Variants in GOLGB1 observed in about 807,000 individuals in gnomAD.
The protein encoded by GOLGB1 is golgin B1, also known as golgin subfamily B member 1.
In GOLGB1, 174 loss-of-function variants were observed where a neutral mutation model predicts 336.9. That is an observed-to-expected ratio of 0.52 (90% confidence interval 0.46 to 0.59). GOLGB1 has a LOEUF of 0.59. GOLGB1 is among the 20% of genes least tolerant of loss of function. GOLGB1 has a pLI of 0.00. For missense variants in GOLGB1, 3,331 were observed against 3,645.3 expected (o/e 0.91, Z 2.22); for synonymous variants, 1,208 against 1,289.2 (o/e 0.94, Z 1.35).
In GOLGB1 at chr3:121,697,501, T is replaced by C; in HGVS notation, c.3022A>G (p.Lys1008Glu). The change falls in exon 13 of 22, where the codon AAG (lysine) becomes GAG (glutamate). Residue 1008 changes from lysine (K) to glutamate (E), a missense_variant. Physicochemically the swap from Lys to Glu is moderately conservative, Grantham distance 56. Transcript: ENST00000614479. ...CTACTGACTCTTTGCAGAAGCTCCT[T>C]TCTGTTAATAAGAGCTGCCTGGAGC... ...RKLQAALINR[K>E]ELLQRVSRLE... 1 of 1,611,876 alleles carries C rather than the reference T, an allele frequency of 6.2e-7. No individual in the cohort carries two copies. Among genetic ancestry groups the C allele is most frequent in the South Asian group, 1.1e-5 (1 of 90,526 alleles).
chr3:121,681,532 T>TGTGCTACTG (rs1287385765), intron 15 of GOLGB1, among the ~76,000 whole-genome samples, 155 bp downstream of exon 15: 1 of 152,238 alleles, frequency 6.6e-6, no homozygotes, highest in Non-Finnish European at 1.5e-5. Flanking sequence ...TTCCTGGTTT[T>TGTGCTACTG]GATACTGTGC....
In GOLGB1 at chr3:121,722,550, A is replaced by G. The variant is rs114450054; in HGVS notation, c.532-172T>C. Among the ~76,000 whole-genome samples the G allele has an allele frequency of 2.3e-3, 343 of 152,308 alleles. 3 individuals carry two copies. The highest frequency in any genetic ancestry group is 8.0e-3 in the African/African-American group (332 of 41,568). ...GCATTATCAAAATTTTATTTGTCAG[A>G]AGAAGACAGAAGCAGTAGTGGCAAT... On this transcript the variant is annotated intron_variant, in intron 5 of 21. Coordinates refer to ENST00000614479, the MANE Select transcript of GOLGB1 (RefSeq NM_001366282.2).
In GOLGB1 at chr3:121,698,025, T is replaced by C. The variant is rs1471434615; in HGVS notation, c.2498A>G (p.Glu833Gly). ...ELDDVQLQFS[E>G]QSTLIRSLQS... is the part of the protein sequence containing the mutation. ...CAGGCTTCTTATCAGGGTACTCTGC[T>C]CAGAAAACTGAAGCTGCACATCATC... The change falls in exon 13 of 22, where the codon GAG (glutamate) becomes GGG (glycine). Residue 833 changes from glutamate (E) to glycine (G), a missense_variant. Transcript: ENST00000614479. 1 of 1,613,992 alleles carries C rather than the reference T, an allele frequency of 6.2e-7. No individual in the cohort carries two copies. The highest frequency in any genetic ancestry group is 8.5e-7 in the Non-Finnish European group (1 of 1,179,978).
chr3:121,697,647 T>G lies in GOLGB1; in HGVS notation c.2876A>C (p.Glu959Ala), dbSNP rs369495304. The stretch of plus-strand genomic sequence containing the variant: ...ATTTTGTTTAAGGCCAGAAGAAACT[T>G]CATTATCTTCTTCCACCTGCTCTTT... ...AKKEQVEEDN[E>A]VSSGLKQNYD... Residue 959 changes from glutamate to alanine, a missense_variant, in exon 13 of 22, where the codon GAA becomes GCA. Physicochemically the swap from Glu to Ala is moderately radical, Grantham distance 107. Transcript: ENST00000614479. 3 of 1,612,056 alleles carry G rather than the reference T, an allele frequency of 1.9e-6. No homozygotes were observed. The African/African-American group carries it at 4.0e-5, about 22-fold the overall frequency.
In GOLGB1 at chr3:121,693,968, C is replaced by T; in HGVS notation, c.6555G>A (p.Leu2185=). 1 of 1,614,094 alleles carries T rather than the reference C, an allele frequency of 6.2e-7. No homozygotes were observed. Among genetic ancestry groups the T allele is most frequent in the Non-Finnish European group, 8.5e-7 (1 of 1,179,990 alleles). The stretch of plus-strand genomic sequence containing the variant: ...CTGCAAGCTGGGTCACAGTACTGTC[C>T]AAGTTTTCCTGAAGTTGCTGAACTT... The part of the protein sequence containing the change: ...DKEVQQLQEN[L]DSTVTQLAAF... Residue 2185 remains leucine, a synonymous_variant, in exon 13 of 22, where the codon TTG becomes TTA. Coordinates refer to ENST00000614479, the MANE Select transcript of GOLGB1 (RefSeq NM_001366282.2).
At chr3:121,675,539 C>G (rs1368764357) in intron 17 of GOLGB1, among the ~76,000 whole-genome samples, 1 of 152,026 alleles carries the variant, frequency 6.6e-6, no homozygotes, top group African/African-American at 2.4e-5. Flanking sequence ...ATGAATCTCA[C>G]AAAATAAATG....
At chr3:121,721,439 C>T (rs1945189949) in intron 6 of GOLGB1, among the ~76,000 whole-genome samples, 1 of 152,090 alleles carries the variant, frequency 6.6e-6, no homozygotes. Flanking sequence ...CCTGCCTGGG[C>T]AACATATTGA....
rs747691610 is a variant in GOLGB1, at chr3:121,694,582, C to T, written c.5941G>A (p.Val1981Ile). 12 of 1,612,258 alleles carry T rather than the reference C, an allele frequency of 7.4e-6. No homozygotes were observed. Among genetic ancestry groups the T allele is most frequent in the Non-Finnish European group, 1.0e-5 (12 of 1,179,996 alleles). ...SELEEEKQQL[V>I]KEKTKVESEI... Reference sequence around the variant, plus strand: ...GATTCCACCTTAGTTTTTTCCTTGACTAACTGCTGCTTTTCTTCTTCCAAT... The same window carrying T: ...GATTCCACCTTAGTTTTTTCCTTGATTAACTGCTGCTTTTCTTCTTCCAAT... Residue 1981 changes from valine (V) to isoleucine (I), a missense_variant, in exon 13 of 22, where the codon GTC (valine) becomes ATC (isoleucine). Val to Ile is a conservative substitution (Grantham distance 29). Transcript: ENST00000614479.
chr3:121,674,619 C>T (rs1355028861), intron 17 of GOLGB1, among the ~76,000 whole-genome samples: 2 of 152,160 alleles, frequency 1.3e-5, no homozygotes, highest in African/African-American at 2.4e-5. Flanking sequence ...TAGAGAAGAA[C>T]AATCTATGCT....
chr3:121,677,217 A>AC, intron 16 of GOLGB1, 68 bp downstream of exon 16: 2 of 1,353,324 alleles, frequency 1.5e-6, no homozygotes, highest in Non-Finnish European at 1.0e-6. Context: ...AAAAAACAAA[A>AC]CCCTGCAATC....
chr3:121,723,318 G>A (rs1945325655), intron 5 of GOLGB1, among the ~76,000 whole-genome samples: 1 of 152,192 alleles, frequency 6.6e-6, no homozygotes, highest in African/African-American at 2.4e-5. Flanking sequence ...AGCAACAAGT[G>A]TATATGCAGT....
intron 16 of GOLGB1, 84 bp downstream of exon 16, chr3:121,677,200 CT>C: frequency 8.3e-7 from 1 of 1,211,790 alleles, no homozygotes; most frequent in Non-Finnish European, 1.2e-6. Flanking sequence ...TGGGTAGCGT[CT>C]TAAAAAAAAA....
At chr3:121,666,546 A>G (rs1938644288) in intron 20 of GOLGB1, among the ~76,000 whole-genome samples, 1 of 152,214 alleles carries the variant, frequency 6.6e-6, no homozygotes, top group Non-Finnish European at 1.5e-5. Context: ...AAAGCTGCAT[A>G]TCAAGGCCTG....
At chr3:121,676,601 C>A (rs1463716661) in intron 17 of GOLGB1, among the ~76,000 whole-genome samples, 1 of 152,152 alleles carries the variant, frequency 6.6e-6, no homozygotes, top group African/African-American at 2.4e-5. Context: ...GTAGCCTCAG[C>A]ATTACTACAA....
Position 121,706,658 on chromosome 3 carries a change from C to T in GOLGB1, c.1405-4063G>A, listed in dbSNP as rs552521924. Among the ~76,000 whole-genome samples the T allele has an allele frequency of 2.1e-4, 26 of 122,802 alleles. No individual in the cohort carries two copies. The South Asian group carries it at 6.3e-3, about 30-fold the overall frequency. The allele number at this position is 122,802 out of a possible 152,430, so 80.6% of individuals were successfully genotyped here. A position where few individuals can be genotyped will look rare whatever the true frequency, so the allele number is the denominator to read the frequency against. On this transcript the variant is annotated intron_variant, in intron 10 of 21. Transcript: ENST00000614479. ...CTGAGGCAGGACAATCACTTGAATC[C>T]GGGAAGTGGAGGTTACAGTGAGTTG...
chr3:121,689,316 T>C (rs1942181562), intron 14 of GOLGB1, among the ~76,000 whole-genome samples: 1 of 152,260 alleles, frequency 6.6e-6, no homozygotes, highest in Non-Finnish European at 1.5e-5. Context: ...AGAAAAAATC[T>C]TCGGCCTTGG....
chr3:121,739,046 G>A (rs185368718), intron 1 of GOLGB1, among the ~76,000 whole-genome samples: 1 of 152,134 alleles, frequency 6.6e-6, no homozygotes, highest in African/African-American at 2.4e-5. Context: ...AGGATCACTT[G>A]AGCCTAGGAG....
rs766835214 is a variant in GOLGB1 at position 121,694,564 on chromosome 3, C to A, written c.5959G>T (p.Val1987Leu). 6.2e-7 allele frequency: 1 copy of A among 1,612,614 alleles called. No individual in the cohort carries two copies. Among genetic ancestry groups the A allele is most frequent in the East Asian group, 2.2e-5 (1 of 44,870 alleles). ...TATTCCTTTCGTATTTCTGATTCCA[C>A]CTTAGTTTTTTCCTTGACTAACTGC... ...KQQLVKEKTK[V>L]ESEIRKEYLE... is the part of the protein sequence containing the mutation. The change falls in exon 13 of 22, where the codon GTG becomes TTG. Residue 1987 changes from valine (V) to leucine (L), a missense_variant. Val to Leu is a conservative substitution (Grantham distance 32). Transcript: ENST00000614479.
At chr3:121,744,488 A>G (rs1274414833) in intron 1 of GOLGB1, among the ~76,000 whole-genome samples, 1 of 151,120 alleles carries the variant, frequency 6.6e-6, no homozygotes, top group Non-Finnish European at 1.5e-5. Flanking sequence ...GCATACTGGC[A>G]TATGCCTGCA....
Sources: gnomAD v4.1 joint callset for allele counts (sites outside exome capture counted in the v4.1 genomes callset) on GRCh38, gnomAD v4.1.1 for gene constraint, MANE v1.5 for transcripts, NCBI Gene and HGNC (gene_info 2026-07-23, HGNC 2026-07-21) for gene names.